Variants in CHTF8 observed in about 807,000 individuals in gnomAD.
The protein encoded by CHTF8 is chromosome transmission fidelity protein 8 homolog.
CHTF8 carries 6 observed loss-of-function variants against 11.0 expected under a neutral mutation model. The observed-to-expected ratio is 0.55, with a 90% CI of 0.30 to 1.08. The LOEUF (loss-of-function observed/expected upper bound fraction) is 1.08, where lower values mean the gene tolerates loss of function less well. Ranked by LOEUF, CHTF8 falls within the 50% of genes least tolerant of loss-of-function variation. The pLI is 0.07. For synonymous variants in CHTF8, 53 were observed against 60.5 expected, an observed-to-expected ratio of 0.88 and a Z score of 0.57; for missense variants, 140 against 153.1, an observed-to-expected ratio of 0.91 and a Z score of 0.45.
At chr16:69,127,567 TAA>T (rs908466722) in intron 1 of CHTF8, among the ~76,000 whole-genome samples, 16 of 147,006 alleles carry the variant, frequency 1.1e-4, no homozygotes, top group African/African-American at 3.5e-4. Flanking sequence ...GTCAAGAAAC[TAA>T]AAGAGAGTCA....
intron 1 of CHTF8, among the ~76,000 whole-genome samples, chr16:69,129,683 C>G (rs571255138): frequency 6.6e-6 from 1 of 152,264 alleles, no homozygotes; most frequent in Admixed American, 6.5e-5. Context: ...AACCCTAACC[C>G]CTCCACAATC....
In CHTF8 at chr16:69,120,317, G is replaced by A; in HGVS notation, c.*108C>T. The A allele has an allele frequency of 9.1e-7, 1 of 1,097,082 alleles. No individual in the cohort carries two copies. Among genetic ancestry groups the A allele is most frequent in the Non-Finnish European group, 1.4e-6 (1 of 721,662 alleles). The allele number at this position is 1,097,082 out of a possible 1,614,324, so 68.0% of individuals were successfully genotyped here. On this transcript the variant is annotated 3_prime_UTR_variant, in exon 4 of 4. Coordinates refer to ENST00000448552, the MANE Select transcript of CHTF8 (RefSeq NM_001039690.5). This position sits in a 1 kb window ranked among gnomAD's most constrained non-coding sequence, Gnocchi z 4.0. ...ACACCCAGTGGGTGGCCTGTGTTCAGAACAGGACCCCCCTGTGGTCCCAGG... is the reference window on the plus strand; with the variant it reads ...ACACCCAGTGGGTGGCCTGTGTTCAAAACAGGACCCCCCTGTGGTCCCAGG...
intron 1 of CHTF8, among the ~76,000 whole-genome samples, chr16:69,123,607 A>G (rs1961839032): frequency 6.6e-6 from 1 of 152,082 alleles, no homozygotes; most frequent in Admixed American, 6.5e-5. Context: ...ACGGTGAGCC[A>G]AGATTGCTCC....
rs781432168 is a variant in CHTF8, at chr16:69,120,350, C to T, written c.*75G>A. 6 of 1,456,226 alleles carry T rather than the reference C, an allele frequency of 4.1e-6. No homozygotes were observed. The highest frequency in any genetic ancestry group is 5.8e-6 in the Non-Finnish European group (6 of 1,038,866). 90.2% of individuals were successfully genotyped at this position (1,456,226 alleles called of 1,614,324 possible). A position where few individuals can be genotyped will look rare whatever the true frequency, so the allele number is the denominator to read the frequency against. Reference sequence around the variant, plus strand: ...CCCCCCTGTGGTCCCAGGGAACCGTCGAGCCGTCCTCGAGGTGGCAGCGGA... The same window carrying T: ...CCCCCCTGTGGTCCCAGGGAACCGTTGAGCCGTCCTCGAGGTGGCAGCGGA... On this transcript the variant is annotated 3_prime_UTR_variant, in exon 4 of 4. Coordinates refer to ENST00000448552, the MANE Select transcript of CHTF8 (RefSeq NM_001039690.5). This position sits in a 1 kb window ranked among gnomAD's most constrained non-coding sequence, Gnocchi z 4.0.
chr16:69,126,858 G>C (rs1180754880), intron 1 of CHTF8, among the ~76,000 whole-genome samples: 5 of 152,098 alleles, frequency 3.3e-5, no homozygotes, highest in Non-Finnish European at 7.3e-5. Flanking sequence ...ACTGTTTCTA[G>C]GGCACAGTAG....
Position 69,119,829 on chromosome 16 carries a change from A to G in CHTF8, c.*596T>C. The G allele has an allele frequency of 5.7e-6, 4 of 701,290 alleles. No homozygotes were observed. The highest frequency in any genetic ancestry group is 1.0e-5 in the Non-Finnish European group (4 of 384,974). 43.4% of individuals were successfully genotyped at this position (701,290 alleles called of 1,614,324 possible). A position where few individuals can be genotyped will look rare whatever the true frequency, so the allele number is the denominator to read the frequency against. On this transcript the variant is annotated 3_prime_UTR_variant, in exon 4 of 4. Coordinates refer to ENST00000448552, the MANE Select transcript of CHTF8 (RefSeq NM_001039690.5). Reference sequence around the variant, plus strand: ...GTCCTGGGCCCAGGCCAACTGGCCTAGGATTGGGAGGACCATTCCCAGAGG... The same window carrying G: ...GTCCTGGGCCCAGGCCAACTGGCCTGGGATTGGGAGGACCATTCCCAGAGG...
chr16:69,131,631 C>T (rs1331360958), intron 1 of CHTF8, among the ~76,000 whole-genome samples: 1 of 145,944 alleles, frequency 6.9e-6, no homozygotes, highest in Admixed American at 6.9e-5. Flanking sequence ...CTCCAAATTA[C>T]AAGCTGTTTT....
chr16:69,123,104 A>G (rs1337637294), intron 1 of CHTF8, among the ~76,000 whole-genome samples: 1 of 151,974 alleles, frequency 6.6e-6, no homozygotes, highest in African/African-American at 2.4e-5. Flanking sequence ...TCTGCTGCCC[A>G]AGATGGAGTG....
Position 69,119,201 on chromosome 16 carries a change from G to T in CHTF8, c.*1224C>A, listed in dbSNP as rs1215313039. 1.3e-5 allele frequency: 9 copies of T among 703,044 alleles called. No individual in the cohort carries two copies. The highest frequency in any genetic ancestry group is 2.3e-5 in the Non-Finnish European group (9 of 385,014). The allele number at this position is 703,044 out of a possible 1,614,324, so 43.6% of individuals were successfully genotyped here. A position where few individuals can be genotyped will look rare whatever the true frequency, so the allele number is the denominator to read the frequency against. On this transcript the variant is annotated 3_prime_UTR_variant, in exon 4 of 4. Coordinates refer to ENST00000448552, the MANE Select transcript of CHTF8 (RefSeq NM_001039690.5). The stretch of plus-strand genomic sequence containing the variant: ...CCAGTGGCCCTTGGGAAGTTAGCTG[G>T]GTTGGGGCCAAGTGGCCCAGAGGCT...
intron 1 of CHTF8, among the ~76,000 whole-genome samples, chr16:69,128,654 C>A (rs28657430): frequency 6.6e-6 from 1 of 152,290 alleles, no homozygotes; most frequent in African/African-American, 2.4e-5. Flanking sequence ...CAATCCTGAC[C>A]CACAATGGGA....
At chr16:69,121,879 C>T (rs1443594807) in intron 1 of CHTF8, among the ~76,000 whole-genome samples, 2 of 152,158 alleles carry the variant, frequency 1.3e-5, no homozygotes, top group African/African-American at 2.4e-5. Context: ...CCATGTTAGC[C>T]AGGATGGTCT....
Position 69,118,128 on chromosome 16 carries a change from C to T in CHTF8, c.*2297G>A. On this transcript the variant is annotated 3_prime_UTR_variant, in exon 4 of 4. Transcript: ENST00000448552. ...AGTGATTTCTTCCCTTCATCCCCCA[C>T]CCCCACCCTAATTCCCATATTCCCA... The T allele has an allele frequency of 8.4e-6, 3 of 355,370 alleles. No individual in the cohort carries two copies. In the South Asian group the frequency reaches 1.5e-4, roughly 18 times the overall value. The allele number at this position is 355,370 out of a possible 1,614,324, so 22.0% of individuals were successfully genotyped here.
Position 69,121,168 on chromosome 16 carries a change from G to A in CHTF8, c.26C>T (p.Ala9Val), listed in dbSNP as rs373936693. 2.2e-5 allele frequency: 36 copies of A among 1,611,660 alleles called. 1 individual carries two copies. Among genetic ancestry groups the A allele is most frequent in the South Asian group, 6.6e-5 (6 of 91,002 alleles). The change falls in exon 3 of 4, where the codon GCG (alanine) becomes GTG (valine). Residue 9 changes from alanine to valine, a missense_variant and splice_region_variant. By Grantham distance (64) the Ala-to-Val change is moderately conservative (BLOSUM62 0). Coordinates refer to ENST00000448552, the MANE Select transcript of CHTF8 (RefSeq NM_001039690.5). ...CCATTCTGCCAGGCCTCCAGCCCTC[G>A]CACTGCAAGCAAAGGGCTGGCGGTT... is the stretch of plus-strand genomic sequence containing the variant. MVQIVISS[A>V]RAGGLAEWVL...
intron 1 of CHTF8, among the ~76,000 whole-genome samples, chr16:69,129,372 G>T (rs1202093081): frequency 1.4e-5 from 2 of 143,928 alleles, no homozygotes; most frequent in Admixed American, 1.4e-4. Context: ...AGAGGTTGCA[G>T]TGAGCCGACA....
intron 1 of CHTF8, among the ~76,000 whole-genome samples, chr16:69,122,675 G>C (rs1468157871): frequency 6.6e-6 from 1 of 151,938 alleles, no homozygotes; most frequent in Non-Finnish European, 1.5e-5. Context: ...CGAGCAGCTG[G>C]GATTACAGGC....
At chr16:69,128,700 A>G (rs1221731865) in intron 1 of CHTF8, among the ~76,000 whole-genome samples, 5 of 152,206 alleles carry the variant, frequency 3.3e-5, no homozygotes, top group Non-Finnish European at 7.3e-5. Flanking sequence ...GGCTGTAATC[A>G]GACCACTCTA....
intron 1 of CHTF8, among the ~76,000 whole-genome samples, chr16:69,124,693 G>A (rs1961932246): frequency 1.3e-5 from 2 of 151,968 alleles, no homozygotes; most frequent in African/African-American, 4.8e-5. Context: ...TAAGAGACAG[G>A]TCTTACTATG....
intron 1 of CHTF8, among the ~76,000 whole-genome samples, chr16:69,130,712 G>A (rs112929022): frequency 1.2e-4 from 18 of 152,316 alleles, no homozygotes; most frequent in African/African-American, 3.8e-4. Flanking sequence ...TCAAGCTATC[G>A]ATTTCCCAGA....
chr16:69,125,457 C>A (rs1174325538), intron 1 of CHTF8, among the ~76,000 whole-genome samples: 2 of 152,166 alleles, frequency 1.3e-5, no homozygotes, highest in African/African-American at 4.8e-5. Context: ...TGACTATCTA[C>A]ACTCATAATC....
Sources: allele counts gnomAD v4.1 joint callset (sites outside exome capture counted in the v4.1 genomes callset), GRCh38; gene constraint gnomAD v4.1.1; non-coding constraint Gnocchi (gnomAD v3.1); transcripts MANE v1.5; gene names NCBI Gene and HGNC (gene_info 2026-07-23, HGNC 2026-07-21).